The following PEX7 variants were observed in gnomAD, a reference collection of about 807,000 sequenced individuals.
PEX7 encodes peroxisomal biogenesis factor 7, also known as PTS2 receptor.
Under a neutral mutation model 47.5 loss-of-function variants are expected in PEX7, and 34 were observed. The ratio of observed to expected loss-of-function variants is 0.72; its 90% CI spans 0.54 to 0.95. The LOEUF (loss-of-function observed/expected upper bound fraction) is 0.95, where lower values mean the gene tolerates loss of function less well. Among genes scored for constraint, PEX7 ranks in the 40% least tolerant of loss-of-function variants. The pLI is 0.00. For synonymous variants in PEX7, 141 were observed against 148.8 expected (o/e 0.95, Z 0.38); for missense variants, 394 against 400.3 (o/e 0.98, Z 0.13).
In PEX7 at chr6:136,903,762, C is replaced by A. The variant is rs74785212; in HGVS notation, c.903+5521C>A. On this transcript the variant is annotated intron_variant, in intron 9 of 9. Coordinates refer to ENST00000318471, the MANE Select transcript of PEX7 (RefSeq NM_000288.4). ...GTAGCTTCAACTTCCTGGGTGCAAA[C>A]GATCCTCCCATCTCAAGCCTCCACT... Among the ~76,000 whole-genome samples, 20 of 151,724 alleles carry A rather than the reference C, an allele frequency of 1.3e-4. 1 individual carries two copies. The East Asian group carries it at 3.3e-3, about 25-fold the overall frequency.
At chr6:136,852,180 A>G (rs537648337) in intron 5 of PEX7, among the ~76,000 whole-genome samples, 42 of 151,708 alleles carry the variant, frequency 2.8e-4, no homozygotes, top group African/African-American at 9.9e-4. Context: ...ATTTTTGTAT[A>G]AGGTGTAAGG....
At chr6:136,836,877 C>T (rs193180960) in intron 3 of PEX7, among the ~76,000 whole-genome samples, 7 of 151,996 alleles carry the variant, frequency 4.6e-5, no homozygotes, top group South Asian at 2.1e-4. Context: ...CGCTTGAACC[C>T]GGGAGGCAGA....
intron 5 of PEX7, among the ~76,000 whole-genome samples, chr6:136,855,404 A>G (rs538274436): frequency 1.3e-5 from 2 of 150,618 alleles, no homozygotes; most frequent in East Asian, 2.0e-4. Context: ...CAATGGTGCA[A>G]TCTCAGCTCA....
intron 5 of PEX7, among the ~76,000 whole-genome samples, chr6:136,848,811 C>G (rs1007472135): frequency 7.9e-5 from 12 of 151,826 alleles, no homozygotes; most frequent in African/African-American, 2.2e-4. Flanking sequence ...CTAAAATTCT[C>G]TTTTTTTTGT....
At position 136,900,465 on chromosome 6, in the gene PEX7, C is replaced by A; in HGVS notation, c.903+2224C>A. ...CAGACTTGGGACCAAGGACATTGCCCCCCCAGTGACAGCAGATCTCATCGT... is the reference window on the plus strand; with the variant it reads ...CAGACTTGGGACCAAGGACATTGCCACCCCAGTGACAGCAGATCTCATCGT... On this transcript the variant is annotated intron_variant, in intron 9 of 9. Coordinates refer to ENST00000318471, the MANE Select transcript of PEX7 (RefSeq NM_000288.4). The surrounding 1 kb of genome is among the most constrained non-coding windows in gnomAD (Gnocchi z 4.2). 2.2e-6 allele frequency: 1 copy of A among 459,456 alleles called. No individual in the cohort carries two copies. The highest frequency in any genetic ancestry group is 4.3e-6 in the Non-Finnish European group (1 of 231,382). The allele number at this position is 459,456 out of a possible 1,614,324, so 28.5% of individuals were successfully genotyped here.
chr6:136,910,491 T>C (rs999563820), intron 9 of PEX7, among the ~76,000 whole-genome samples: 1 of 152,176 alleles, frequency 6.6e-6, no homozygotes, highest in African/African-American at 2.4e-5. Context: ...ATAAGCAGCA[T>C]GCTTGGATTT....
rs201960412 is a variant in PEX7, at chr6:136,872,522, C to T, written c.803+269C>T. Among the ~76,000 whole-genome samples, 29 of 152,192 alleles carry T rather than the reference C, an allele frequency of 1.9e-4. No individual in the cohort carries two copies. In the East Asian group the frequency reaches 5.4e-3, roughly 28 times the overall value. ...ATAGATGTTCCTATGGTAACACTTTCCTACACTATAGATGGCATAGCCAAT... is the reference window on the plus strand; with the variant it reads ...ATAGATGTTCCTATGGTAACACTTTTCTACACTATAGATGGCATAGCCAAT... On this transcript the variant is annotated intron_variant, in intron 8 of 9. Coordinates refer to ENST00000318471, the MANE Select transcript of PEX7 (RefSeq NM_000288.4).
At chr6:136,839,289 A>G (rs963561443) in intron 3 of PEX7, among the ~76,000 whole-genome samples, 2 of 152,228 alleles carry the variant, frequency 1.3e-5, no homozygotes, top group Non-Finnish European at 2.9e-5. Flanking sequence ...CTTTGTATTC[A>G]TACAGATAAT....
chr6:136,913,621 A>G lies in PEX7; in HGVS notation c.*95A>G, dbSNP rs1180316178. On this transcript the variant is annotated 3_prime_UTR_variant, in exon 10 of 10. Transcript: ENST00000318471. Reference sequence around the variant, plus strand: ...TGGAAAACATAGACATTATGCTTTTATATGCTATTCAGATTTCAAATCTTT... The same window carrying G: ...TGGAAAACATAGACATTATGCTTTTGTATGCTATTCAGATTTCAAATCTTT... 1.1e-6 allele frequency: 1 copy of G among 877,818 alleles called. No individual in the cohort carries two copies. Among genetic ancestry groups the G allele is most frequent in the Non-Finnish European group, 1.9e-6 (1 of 515,858 alleles). 54.4% of individuals were successfully genotyped at this position (877,818 alleles called of 1,614,324 possible). A position where few individuals can be genotyped will look rare whatever the true frequency, so the allele number is the denominator to read the frequency against.
intron 5 of PEX7, among the ~76,000 whole-genome samples, chr6:136,850,437 C>T (rs1774722175): frequency 6.6e-6 from 1 of 152,150 alleles, no homozygotes; most frequent in Non-Finnish European, 1.5e-5. Context: ...TTAGTTGATG[C>T]AGTTTCTTCC....
intron 1 of PEX7, among the ~76,000 whole-genome samples, chr6:136,824,885 G>A (rs1774159048): frequency 6.6e-6 from 1 of 152,208 alleles, no homozygotes; most frequent in South Asian, 2.1e-4. Flanking sequence ...TGTCTCTGGT[G>A]CCTTGTCTGG....
chr6:136,865,024 C>G (rs1313616442), intron 5 of PEX7, among the ~76,000 whole-genome samples: 1 of 152,180 alleles, frequency 6.6e-6, no homozygotes, highest in Non-Finnish European at 1.5e-5. Context: ...TTTTATTCAT[C>G]TTGTCATCTT....
intron 3 of PEX7, among the ~76,000 whole-genome samples, chr6:136,839,639 T>A (rs146117250): frequency 6.6e-6 from 1 of 152,316 alleles, no homozygotes; most frequent in East Asian, 1.9e-4. Flanking sequence ...AATTTGACCA[T>A]TTGCCATGCC....
intron 8 of PEX7, among the ~76,000 whole-genome samples, chr6:136,897,865 G>C (rs1361970070): frequency 6.6e-6 from 1 of 151,582 alleles, no homozygotes; most frequent in Non-Finnish European, 1.5e-5. Flanking sequence ...ATTAAAACTT[G>C]TTAAGCTTCT....
At chr6:136,866,476 C>T (rs1775073832) in intron 5 of PEX7, 151 bp from the exon 6 acceptor site, 2 of 687,474 alleles carry the variant, frequency 2.9e-6, no homozygotes, top group Non-Finnish European at 5.3e-6. Context: ...AGTTCCTATA[C>T]ATTATTATGG....
intron 3 of PEX7, 129 bp from the exon 4 acceptor site, chr6:136,845,484 GGA>G: frequency 1.4e-6 from 1 of 713,782 alleles, no homozygotes; most frequent in South Asian, 1.5e-5. Flanking sequence ...TTGTTGAGAT[GGA>G]TAGGAATTAT....
At chr6:136,870,571 A>C (rs1207106158) in intron 7 of PEX7, among the ~76,000 whole-genome samples, 2 of 152,154 alleles carry the variant, frequency 1.3e-5, no homozygotes, top group Non-Finnish European at 2.9e-5. Context: ...GGTTCTGCTA[A>C]ATGACTGTGG....
At chr6:136,825,860 A>G (rs1344639022) in intron 2 of PEX7, among the ~76,000 whole-genome samples, 4 of 152,068 alleles carry the variant, frequency 2.6e-5, no homozygotes, top group Admixed American at 2.0e-4. Context: ...TTTAGGCCGT[A>G]GTCCCAGCTA....
At chr6:136,838,423 G>C (rs898322621) in intron 3 of PEX7, among the ~76,000 whole-genome samples, 1 of 152,204 alleles carries the variant, frequency 6.6e-6, no homozygotes, top group African/African-American at 2.4e-5. Context: ...AAATGTTATG[G>C]GATGTGGGGC....
Sources: gnomAD v4.1 joint callset for allele counts (sites outside exome capture counted in the v4.1 genomes callset) on GRCh38, gnomAD v4.1.1 for gene constraint, Gnocchi (gnomAD v3.1) non-coding constraint, MANE v1.5 for transcripts, NCBI Gene and HGNC (gene_info 2026-07-23, HGNC 2026-07-21) for gene names.